The following DCLK1 variants were observed in gnomAD, a reference collection of about 807,000 sequenced individuals.
The protein encoded by DCLK1 is serine/threonine-protein kinase DCLK1.
A neutral mutation model predicts 86.2 loss-of-function variants in DCLK1; 16 were observed. The ratio of observed to expected loss-of-function variants is 0.19; its 90% CI spans 0.13 to 0.28. The LOEUF is 0.28. Ranked by LOEUF, DCLK1 falls within the 10% of genes least tolerant of loss-of-function variation. The pLI, the probability that DCLK1 is intolerant of heterozygous loss-of-function variation, is 1.00. For missense variants in DCLK1, 590 were observed against 940.2 expected, an observed-to-expected ratio of 0.63 and a Z score of 4.87; for synonymous variants, 369 against 370.5, an observed-to-expected ratio of 1.00 and a Z score of 0.05.
chr13:35,979,195 C>A (rs1399246675), intron 3 of DCLK1, among the ~76,000 whole-genome samples: 1 of 152,138 alleles, frequency 6.6e-6, no homozygotes, highest in African/African-American at 2.4e-5. Flanking sequence ...AACCCTTACC[C>A]ACAAAAAGGC....
rs149116294 is a variant in DCLK1 at position 35,804,880 on chromosome 13, C to G, written c.1944+819G>C. ...TGTACTCAAAGAACAGCCACAGAGG[C>G]AGCATCGGGGAGATTTTAGAAATGC... is the stretch of plus-strand genomic sequence containing the variant. On this transcript the variant is annotated intron_variant, in intron 15 of 16. Transcript: ENST00000360631. 3.4e-3 allele frequency among the ~76,000 whole-genome samples: 525 copies of G among 152,286 alleles called. 2 individuals are homozygous for G. The highest frequency in any genetic ancestry group is 0.012 in the African/African-American group (508 of 41,558).
rs1170453726 is a variant in DCLK1 at position 35,987,593 on chromosome 13, A to G, written c.724-40136T>C. Among the ~76,000 whole-genome samples the G allele has an allele frequency of 5.3e-5, 8 of 152,266 alleles. No individual in the cohort carries two copies. The East Asian group carries it at 7.7e-4, about 15-fold the overall frequency. The stretch of plus-strand genomic sequence containing the variant: ...CAAAATATCTCACCTATCCCATAAA[A>G]TACATACACCATTATGTACCACAAC... On this transcript the variant is annotated intron_variant, in intron 3 of 16. Transcript: ENST00000360631.
intron 5 of DCLK1, among the ~76,000 whole-genome samples, chr13:35,863,455 T>A (rs765698553): frequency 6.6e-6 from 1 of 152,182 alleles, no homozygotes; most frequent in Non-Finnish European, 1.5e-5. Context: ...TAAGTCAAGA[T>A]AATGGTTAAA....
chr13:35,947,536 G>C, intron 3 of DCLK1, 79 bp from the exon 4 acceptor site: 1 of 1,166,476 alleles, frequency 8.6e-7, no homozygotes. Flanking sequence ...GCAGACATCT[G>C]CATAAAGCCC....
chr13:35,849,248 G>A, intron 6 of DCLK1: 1 of 985,230 alleles, frequency 1.0e-6, no homozygotes, highest in Non-Finnish European at 1.2e-6. Context: ...AAATTTGCTA[G>A]TTGAACAATT....
In DCLK1 at chr13:35,808,206, A is replaced by T; in HGVS notation, c.1863+18T>A. ...AGACACACAGAATATAGGGAAGAGG[A>T]AGGCACTGGACACCTACCTTTGCAG... On this transcript the variant is annotated intron_variant, in intron 14 of 16. Coordinates refer to ENST00000360631, the MANE Select transcript of DCLK1 (RefSeq NM_001330071.2). 4 of 1,603,898 alleles carry T rather than the reference A, an allele frequency of 2.5e-6. No homozygotes were observed. The highest frequency in any genetic ancestry group is 3.4e-6 in the Non-Finnish European group (4 of 1,170,746).
rs183385279 is a variant in DCLK1, at chr13:35,809,654, C to T, written c.1689-559G>A. Among the ~76,000 whole-genome samples, 236 of 152,246 alleles carry T rather than the reference C, an allele frequency of 1.6e-3. 1 individual carries two copies. The highest frequency in any genetic ancestry group is 6.8e-3 in the Middle Eastern group (2 of 294). On this transcript the variant is annotated intron_variant, in intron 12 of 16. Transcript: ENST00000360631. ...TCCCCAATATGGTCTTCAAGACCCA[C>T]CACTTCCTCCCAGCAGCAAGCAGAG...
intron 3 of DCLK1, among the ~76,000 whole-genome samples, chr13:36,110,893 C>G (rs995550521): frequency 5.7e-5 from 8 of 140,410 alleles, no homozygotes; most frequent in African/African-American, 2.2e-4. Flanking sequence ...TGCAGTGGTG[C>G]GATCTCGGCT....
At chr13:35,976,214 T>C (rs1201562824) in intron 3 of DCLK1, among the ~76,000 whole-genome samples, 2 of 152,114 alleles carry the variant, frequency 1.3e-5, no homozygotes, top group Non-Finnish European at 2.9e-5. Context: ...AGGTCAGTCC[T>C]GACCAGTTCT....
intron 16 of DCLK1, among the ~76,000 whole-genome samples, chr13:35,785,438 G>A (rs2086603913): frequency 6.6e-6 from 1 of 152,164 alleles, no homozygotes; most frequent in African/African-American, 2.4e-5. Flanking sequence ...ACCTGGGGCA[G>A]CGTCCTCCCT....
At chr13:35,912,921 G>A (rs75016033) in intron 4 of DCLK1, among the ~76,000 whole-genome samples, 3,132 of 152,276 alleles carry the variant, frequency 0.021, 113 homozygotes, top group African/African-American at 0.072. Context: ...TGGCTGAGGG[G>A]CCTACAGAGA....
intron 3 of DCLK1, among the ~76,000 whole-genome samples, chr13:35,976,525 GTTTTTTTTT>G (rs11294824): frequency 7.1e-5 from 4 of 56,350 alleles, no homozygotes; most frequent in Non-Finnish European, 1.0e-4. Context: ...CTTCTCCGAG[GTTTTTTTTT>G]TTTTTTTTTT....
intron 3 of DCLK1, among the ~76,000 whole-genome samples, chr13:35,988,372 C>T (rs1880047769): frequency 6.6e-6 from 1 of 152,208 alleles, no homozygotes; most frequent in Non-Finnish European, 1.5e-5. Context: ...GCTGCTCTCA[C>T]CTCTTGCAAC....
intron 3 of DCLK1, among the ~76,000 whole-genome samples, chr13:36,068,623 G>GTTT (rs1883854740): frequency 6.6e-6 from 1 of 151,392 alleles, no homozygotes; most frequent in African/African-American, 2.4e-5. Context: ...TTAATAACTA[G>GTTT]TTAATCTGAT....
At chr13:35,818,007 G>C (rs2087309120) in intron 11 of DCLK1, among the ~76,000 whole-genome samples, 1 of 152,084 alleles carries the variant, frequency 6.6e-6, no homozygotes. Flanking sequence ...AATATTTTTG[G>C]ATTTCACTTC....
At chr13:36,120,404 G>T (rs902045188) in intron 2 of DCLK1, among the ~76,000 whole-genome samples, 3 of 152,098 alleles carry the variant, frequency 2.0e-5, no homozygotes, top group Non-Finnish European at 4.4e-5. Flanking sequence ...ATACCATTGT[G>T]TTATAATTGT....
chr13:36,110,083 T>C (rs1161791864), intron 3 of DCLK1, among the ~76,000 whole-genome samples: 1 of 152,146 alleles, frequency 6.6e-6, no homozygotes, highest in Non-Finnish European at 1.5e-5. Flanking sequence ...ATGAGACACT[T>C]TATAAAAATA....
chr13:35,893,684 A>G (rs771910133), intron 4 of DCLK1, among the ~76,000 whole-genome samples: 1 of 152,210 alleles, frequency 6.6e-6, no homozygotes, highest in African/African-American at 2.4e-5. Flanking sequence ...GTAAGTGGAG[A>G]CTAAAGCCTG....
At chr13:36,089,373 C>T (rs1045943202) in intron 3 of DCLK1, among the ~76,000 whole-genome samples, 1 of 152,206 alleles carries the variant, frequency 6.6e-6, no homozygotes, top group Non-Finnish European at 1.5e-5. Context: ...CACAGGCTTT[C>T]CTCAATCTAT....
Sources: gnomAD v4.1 joint callset for allele counts (sites outside exome capture counted in the v4.1 genomes callset) on GRCh38, gnomAD v4.1.1 for gene constraint, MANE v1.5 for transcripts, NCBI Gene and HGNC (gene_info 2026-07-23, HGNC 2026-07-21) for gene names.